MACROD2: variants seen among roughly 807,000 people sequenced by gnomAD.
MACROD2 encodes the protein ADP-ribose glycohydrolase MACROD2.
MACROD2 carries 36 observed loss-of-function variants against 70.4 expected under a neutral mutation model. The observed-to-expected ratio is 0.51, with a 90% CI of 0.39 to 0.68. MACROD2 has a LOEUF of 0.68. MACROD2 is among the 30% of genes least tolerant of loss of function. The pLI is 0.00. For missense variants in MACROD2, 496 were observed against 538.4 expected (o/e 0.92, Z 0.78); for synonymous variants, 172 against 178.8 (o/e 0.96, Z 0.30).
Position 15,987,166 on chromosome 20 carries a change from T to TTAAATTAAGATG in MACROD2, c.1153+8_1153+9insTAAATTAAGATG. On this transcript the variant is annotated intron_variant, in intron 15 of 17. Coordinates refer to ENST00000684519, the MANE Select transcript of MACROD2 (RefSeq NM_001351661.2). ...AAAAAGAAGGTGAAAAAGGTAGGAC[T>TTAAATTAAGATG]GCTCTTAAATTAACCCATCAAGAAT... 6.3e-7 allele frequency: 1 copy of TTAAATTAAGATG among 1,594,826 alleles called. No individual in the cohort carries two copies. The highest frequency in any genetic ancestry group is 1.7e-4 in the Middle Eastern group (1 of 6,022).
chr20:15,597,532 T>C (rs1431293855), intron 8 of MACROD2, among the ~76,000 whole-genome samples: 5 of 152,168 alleles, frequency 3.3e-5, no homozygotes, highest in Non-Finnish European at 2.9e-5. Flanking sequence ...GCCGGATTCC[T>C]TGGTCAAGTG....
At chr20:14,708,921 A>G (rs1414147083) in intron 5 of MACROD2, among the ~76,000 whole-genome samples, 2 of 152,092 alleles carry the variant, frequency 1.3e-5, no homozygotes, top group Non-Finnish European at 2.9e-5. Flanking sequence ...CCTGACCTGA[A>G]CACCTGTTTT....
chr20:15,551,491 T>C (rs888691718), intron 8 of MACROD2, among the ~76,000 whole-genome samples: 2 of 152,132 alleles, frequency 1.3e-5, no homozygotes, highest in Admixed American at 6.5e-5. Context: ...TACTAAAACA[T>C]GTGCTCACGT....
chr20:14,162,972 A>G (rs984086138), intron 3 of MACROD2, among the ~76,000 whole-genome samples: 1 of 151,426 alleles, frequency 6.6e-6, no homozygotes, highest in Admixed American at 6.6e-5. Context: ...CTTATTGTTT[A>G]TCTTTGTGGT....
chr20:14,029,142 T>C (rs991403646), intron 2 of MACROD2, among the ~76,000 whole-genome samples: 4 of 152,214 alleles, frequency 2.6e-5, no homozygotes, highest in Admixed American at 6.5e-5. Context: ...CCTGGAATGT[T>C]GAGAGGTTGC....
intron 5 of MACROD2, among the ~76,000 whole-genome samples, chr20:14,745,485 A>G (rs1481727502): frequency 1.3e-5 from 2 of 152,150 alleles, no homozygotes; most frequent in African/African-American, 4.8e-5. Flanking sequence ...TAGGCATTCT[A>G]ACATGTTCAG....
At chr20:14,266,901 T>C (rs1046688764) in intron 3 of MACROD2, among the ~76,000 whole-genome samples, 2 of 152,176 alleles carry the variant, frequency 1.3e-5, no homozygotes, top group Admixed American at 6.5e-5. Flanking sequence ...GGTGTTTCTG[T>C]AGAACATATT....
chr20:14,081,013 G>T (rs2423769), intron 2 of MACROD2, among the ~76,000 whole-genome samples: 151,380 of 152,352 alleles, frequency 0.99, 75,215 homozygotes, highest in East Asian at 1. Context: ...CAAACTTTAG[G>T]CAGGTTTCTC....
rs185542770 is a variant in MACROD2 at position 15,607,695 on chromosome 20, G to A, written c.645+107848G>A. Among the ~76,000 whole-genome samples the A allele has an allele frequency of 1.6e-3, 242 of 152,158 alleles. 1 individual carries two copies. Among genetic ancestry groups the A allele is most frequent in the African/African-American group, 5.3e-3 (218 of 41,518 alleles). ...ATTACAGGTGCTCACCACCACACCC[G>A]GATAATTTTTGTATTTTTATTAGAG... is the stretch of plus-strand genomic sequence containing the variant. On this transcript the variant is annotated intron_variant, in intron 8 of 17. Coordinates refer to ENST00000684519, the MANE Select transcript of MACROD2 (RefSeq NM_001351661.2).
rs1393905334 is a variant in MACROD2 at position 14,142,684 on chromosome 20, G to T, written c.271+56956G>T. On this transcript the variant is annotated intron_variant, in intron 3 of 17. Coordinates refer to ENST00000684519, the MANE Select transcript of MACROD2 (RefSeq NM_001351661.2). ...AAACTTGCCACTGCCTTTAGTACTT[G>T]CATCTTTGGTGCTAAGTTCCTGATG... 2.6e-5 allele frequency among the ~76,000 whole-genome samples: 4 copies of T among 152,092 alleles called. No individual in the cohort carries two copies. The East Asian group carries it at 7.7e-4, about 29-fold the overall frequency.
At chr20:14,543,247 A>G (rs1375356598) in intron 4 of MACROD2, among the ~76,000 whole-genome samples, 1 of 152,180 alleles carries the variant, frequency 6.6e-6, no homozygotes, top group Non-Finnish European at 1.5e-5. Flanking sequence ...CAGAGTGGAC[A>G]TGCTGGACAA....
chr20:15,672,117 T>C (rs767537620), intron 8 of MACROD2, among the ~76,000 whole-genome samples: 2 of 152,158 alleles, frequency 1.3e-5, no homozygotes, highest in Admixed American at 6.6e-5. Flanking sequence ...ACTGGCGACA[T>C]GAAGCTGAGT....
chr20:15,293,779 T>C (rs1364668840), intron 6 of MACROD2, among the ~76,000 whole-genome samples: 2 of 152,152 alleles, frequency 1.3e-5, no homozygotes, highest in African/African-American at 4.8e-5. Flanking sequence ...ATGTACTGTT[T>C]GCATGGCACA....
intron 3 of MACROD2, among the ~76,000 whole-genome samples, chr20:14,334,413 T>C (rs1480783434): frequency 6.6e-6 from 1 of 152,182 alleles, no homozygotes; most frequent in African/African-American, 2.4e-5. Context: ...AATGGTGGAA[T>C]GTTAGAAGGA....
At chr20:14,212,586 T>C (rs1195899495) in intron 3 of MACROD2, among the ~76,000 whole-genome samples, 1 of 152,020 alleles carries the variant, frequency 6.6e-6, no homozygotes, top group Non-Finnish European at 1.5e-5. Context: ...ATTTTCTAGT[T>C]AGCTGTTGGG....
At chr20:14,814,982 C>A (rs2072757275) in intron 5 of MACROD2, among the ~76,000 whole-genome samples, 1 of 151,970 alleles carries the variant, frequency 6.6e-6, no homozygotes, top group Non-Finnish European at 1.5e-5. Flanking sequence ...CTTATGTCAT[C>A]ACAGTGTTAA....
chr20:14,295,702 G>T (rs2082421383), intron 3 of MACROD2, among the ~76,000 whole-genome samples: 1 of 151,868 alleles, frequency 6.6e-6, no homozygotes. Flanking sequence ...TCTAGATGTT[G>T]TGGATGCAGC....
At chr20:14,499,802 T>C (rs777095499) in intron 4 of MACROD2, among the ~76,000 whole-genome samples, 15 of 152,052 alleles carry the variant, frequency 9.9e-5, no homozygotes, top group Non-Finnish European at 1.8e-4. Flanking sequence ...CCTGTTTCCC[T>C]CCTTCCTTCC....
intron 10 of MACROD2, among the ~76,000 whole-genome samples, chr20:15,903,127 G>A (rs1010224249): frequency 2.0e-5 from 3 of 152,158 alleles, no homozygotes; most frequent in Non-Finnish European, 4.4e-5. Flanking sequence ...TGTATTCCAA[G>A]CCCTTTGAGA....
Sources: allele counts gnomAD v4.1 joint callset (sites outside exome capture counted in the v4.1 genomes callset), GRCh38; gene constraint gnomAD v4.1.1; transcripts MANE v1.5; gene names NCBI Gene and HGNC (gene_info 2026-07-23, HGNC 2026-07-21).